Variants in HIPK3 observed in about 807,000 individuals in gnomAD.
HIPK3 encodes homeodomain-interacting protein kinase 3.
A neutral mutation model predicts 124.2 loss-of-function variants in HIPK3; 47 were observed. The ratio of observed to expected loss-of-function variants is 0.38; its 90% confidence interval spans 0.30 to 0.48. The LOEUF is 0.48. Ranked by LOEUF, HIPK3 falls within the 20% of genes least tolerant of loss-of-function variation. The pLI is 0.98. For missense variants in HIPK3, 1,286 were observed against 1,454.3 expected, an observed-to-expected ratio of 0.88 and a Z score of 1.88; for synonymous variants, 482 against 515.2, an observed-to-expected ratio of 0.94 and a Z score of 0.87.
At chr11:33,300,749 G>GT (rs1279601834) in intron 2 of HIPK3, among the ~76,000 whole-genome samples, 1 of 151,762 alleles carries the variant, frequency 6.6e-6, no homozygotes, top group Non-Finnish European at 1.5e-5. Context: ...TTTTTGTTTT[G>GT]TTTTTTTGAG....
intron 2 of HIPK3, among the ~76,000 whole-genome samples, chr11:33,308,252 A>G (rs911414869): frequency 4.6e-5 from 7 of 152,200 alleles, no homozygotes; most frequent in African/African-American, 1.7e-4. Flanking sequence ...TGGACTCTTT[A>G]TTCATCATTT....
intron 6 of HIPK3, 83 bp from the exon 7 acceptor site, chr11:33,340,885 A>G (rs1209710039): frequency 2.5e-6 from 2 of 793,472 alleles, no homozygotes; most frequent in Non-Finnish European, 3.8e-6. Flanking sequence ...TTTAGGAATA[A>G]TTTTTTTATT....
At chr11:33,328,374 G>A (rs1852870858) in intron 2 of HIPK3, 136 bp from the exon 3 acceptor site, 2 of 771,138 alleles carry the variant, frequency 2.6e-6, no homozygotes, top group African/African-American at 3.5e-5. Context: ...GTTTCAAAGA[G>A]TTCTGAAATA....
At chr11:33,260,405 G>A (rs761280138) in intron 1 of HIPK3, among the ~76,000 whole-genome samples, 10 of 152,206 alleles carry the variant, frequency 6.6e-5, no homozygotes, top group Non-Finnish European at 1.3e-4. Flanking sequence ...AAGGGAAAAT[G>A]TAAATTTCAG....
Position 33,353,894 on chromosome 11 carries a change from A to G in HIPK3, c.*326A>G, listed in dbSNP as rs989016700. The G allele has an allele frequency of 1.6e-5, 5 of 310,338 alleles. No individual in the cohort carries two copies. The highest frequency in any genetic ancestry group is 4.7e-5 in the Admixed American group (1 of 21,136). 19.2% of individuals were successfully genotyped at this position (310,338 alleles called of 1,614,324 possible). A position where few individuals can be genotyped will look rare whatever the true frequency, so the allele number is the denominator to read the frequency against. ...CTACATTTGGGAAGCCATTCTGTGT[A>G]CAGACTTAGAGCAACAGATGCACAT... On this transcript the variant is annotated 3_prime_UTR_variant, in exon 17 of 17. Transcript: ENST00000303296.
Position 33,352,194 on chromosome 11 carries a change from C to G in HIPK3, c.3100C>G (p.Pro1034Ala). Residue 1034 changes from proline to alanine, a missense_variant, in exon 16 of 17, where the codon CCT (proline) becomes GCT (alanine). Pro to Ala is a conservative substitution (Grantham distance 27). This residue lies in a region of HIPK3 where 810 missense variants were observed against 864.9 expected (regional missense o/e 0.94). Transcript: ENST00000303296. ...ATCTGCCCCTGGAAGATTAAACCAG[C>G]CTTCTGCAGTGGGTACTCGTCAGCA... ...GRSAPGRLNQ[P>A]SAVGTRQQKL... The G allele has an allele frequency of 6.2e-7, 1 of 1,613,742 alleles. No homozygotes were observed. Among genetic ancestry groups the G allele is most frequent in the Admixed American group, 1.7e-5 (1 of 60,022 alleles).
intron 2 of HIPK3, among the ~76,000 whole-genome samples, chr11:33,295,846 C>T (rs1378852544): frequency 6.6e-6 from 1 of 152,154 alleles, no homozygotes; most frequent in Non-Finnish European, 1.5e-5. Context: ...GGTGTAACTG[C>T]CAGGTTTTTA....
intron 1 of HIPK3, among the ~76,000 whole-genome samples, chr11:33,264,804 G>T (rs1328072136): frequency 1.3e-5 from 2 of 152,082 alleles, no homozygotes; most frequent in Non-Finnish European, 2.9e-5. Context: ...GAAAACATTT[G>T]CAGGATATAA....
intron 8 of HIPK3, 72 bp downstream of exon 8, chr11:33,341,758 A>C: frequency 1.5e-6 from 2 of 1,352,800 alleles, no homozygotes; most frequent in South Asian, 2.8e-5. Flanking sequence ...GAATCTGTTC[A>C]TTAAATATAT....
chr11:33,283,735 C>T (rs1458528183), intron 1 of HIPK3, among the ~76,000 whole-genome samples: 12 of 151,284 alleles, frequency 7.9e-5, no homozygotes, highest in African/African-American at 2.4e-4. Flanking sequence ...AGTACAGTGG[C>T]GCGATCTCGG....
chr11:33,267,196 C>T (rs1850990172), intron 1 of HIPK3, among the ~76,000 whole-genome samples: 1 of 151,336 alleles, frequency 6.6e-6, no homozygotes, highest in Non-Finnish European at 1.5e-5. Flanking sequence ...GATCTGGGCT[C>T]ACTGCAACCT....
intron 2 of HIPK3, among the ~76,000 whole-genome samples, chr11:33,306,898 G>T (rs1243831803): frequency 6.6e-6 from 1 of 151,310 alleles, no homozygotes; most frequent in Non-Finnish European, 1.5e-5. Context: ...AAGAATCTTT[G>T]AAAGAAGTGG....
At chr11:33,305,618 A>G (rs1366048454) in intron 2 of HIPK3, among the ~76,000 whole-genome samples, 2 of 152,200 alleles carry the variant, frequency 1.3e-5, no homozygotes, top group South Asian at 2.1e-4. Context: ...CTGCAGAGCT[A>G]TGATTTGAGC....
At chr11:33,272,157 G>C (rs1851142292) in intron 1 of HIPK3, among the ~76,000 whole-genome samples, 1 of 152,152 alleles carries the variant, frequency 6.6e-6, no homozygotes, top group African/African-American at 2.4e-5. Flanking sequence ...CAGCACTTTG[G>C]GAGGCCGAGG....
At chr11:33,319,609 A>G (rs1435928542) in intron 2 of HIPK3, among the ~76,000 whole-genome samples, 5 of 152,200 alleles carry the variant, frequency 3.3e-5, no homozygotes, top group South Asian at 2.1e-4. Flanking sequence ...TGGCTATGTA[A>G]GAGTCCATTG....
At chr11:33,349,903 GACTACAGGAACCTGCC>G (rs1853607552) in intron 14 of HIPK3, among the ~76,000 whole-genome samples, 2 of 152,082 alleles carry the variant, frequency 1.3e-5, no homozygotes. Context: ...ATGTAGCTGG[GACTACAGGAACCTGCC>G]ACCACACCTG....
chr11:33,326,373 A>C (rs559090072), intron 2 of HIPK3, among the ~76,000 whole-genome samples: 21 of 152,316 alleles, frequency 1.4e-4, no homozygotes, highest in African/African-American at 5.1e-4. Flanking sequence ...CCCCAGTCTC[A>C]GTTAAGAAAT....
chr11:33,313,413 C>T (rs1457689980), intron 2 of HIPK3, among the ~76,000 whole-genome samples: 1 of 151,990 alleles, frequency 6.6e-6, no homozygotes, highest in African/African-American at 2.4e-5. Flanking sequence ...TATGCAAGAG[C>T]TTGTTTTGGG....
intron 2 of HIPK3, among the ~76,000 whole-genome samples, chr11:33,291,001 C>T (rs1851683847): frequency 2.0e-5 from 3 of 151,868 alleles, no homozygotes; most frequent in South Asian, 2.1e-4. Flanking sequence ...GATGTTGCCT[C>T]GATAAAAAAC....
Sources: gnomAD v4.1 joint callset for allele counts (sites outside exome capture counted in the v4.1 genomes callset) on GRCh38, gnomAD v4.1.1 for gene constraint, gnomAD v4.1.1 regional missense constraint, MANE v1.5 for transcripts, NCBI Gene and HGNC (gene_info 2026-07-23, HGNC 2026-07-21) for gene names.